VOPP1: variants seen among roughly 807,000 people sequenced by gnomAD.
The protein encoded by VOPP1 is WW domain binding protein VOPP1.
A neutral mutation model predicts 23.5 loss-of-function variants in VOPP1; 8 were observed. That is an observed-to-expected ratio of 0.34 (90% CI 0.20 to 0.61). VOPP1 has a LOEUF of 0.61. Ranked by LOEUF, VOPP1 falls within the 20% of genes least tolerant of loss-of-function variation. The pLI, the probability that VOPP1 is intolerant of heterozygous loss-of-function variation, is 0.78. For missense variants in VOPP1, 174 were observed against 238.1 expected (o/e 0.73, Z 1.77); for synonymous variants, 83 against 97.3 (o/e 0.85, Z 0.86).
intron 2 of VOPP1, among the ~76,000 whole-genome samples, chr7:55,497,963 C>G (rs1794093074): frequency 6.6e-6 from 1 of 152,230 alleles, no homozygotes; most frequent in Non-Finnish European, 1.5e-5. Context: ...CAATGGATTC[C>G]TTCCGGGAGG....
At chr7:55,460,999 T>C (rs1791486459) in intron 4 of VOPP1, among the ~76,000 whole-genome samples, 1 of 151,914 alleles carries the variant, frequency 6.6e-6, no homozygotes, top group Non-Finnish European at 1.5e-5. Context: ...TATATACATA[T>C]ATTATATATG....
intron 1 of VOPP1, among the ~76,000 whole-genome samples, chr7:55,534,736 C>G (rs992848989): frequency 1.3e-5 from 2 of 152,220 alleles, no homozygotes; most frequent in Non-Finnish European, 1.5e-5. Context: ...CCTGGGATCT[C>G]TGCCAGGTGC....
At chr7:55,562,019 G>A in intron 1 of VOPP1, 1 of 703,542 alleles carries the variant, frequency 1.4e-6, no homozygotes, top group Non-Finnish European at 2.6e-6. Flanking sequence ...GAAGACTTCT[G>A]ATCCTCATCT....
At chr7:55,437,251 C>T (rs1790855276) in intron 4 of VOPP1, among the ~76,000 whole-genome samples, 1 of 152,210 alleles carries the variant, frequency 6.6e-6, no homozygotes, top group Non-Finnish European at 1.5e-5. Context: ...GGAGTCCCCA[C>T]GGAGGCCGCC....
rs555863141 is a variant in VOPP1, at chr7:55,530,307, G to A, written c.55-9177C>T. Among the ~76,000 whole-genome samples the A allele has an allele frequency of 5.8e-4, 88 of 152,114 alleles. No homozygotes were observed. The South Asian group carries it at 5.8e-3, about 10-fold the overall frequency. On this transcript the variant is annotated intron_variant, in intron 1 of 4. Coordinates refer to ENST00000285279, the MANE Select transcript of VOPP1 (RefSeq NM_030796.5). ...TCTAGTACTGTACTGGTATCTCATC[G>A]TGATTTTAATTGGAATTTCCCTAAT...
downstream of VOPP1, among the ~76,000 whole-genome samples, chr7:55,470,284 G>A (rs1303841082): frequency 1.3e-5 from 2 of 152,178 alleles, no homozygotes; most frequent in Admixed American, 1.3e-4. Context: ...GCATCTGTGA[G>A]AGAAGTGTTA....
intron 4 of VOPP1, 87 bp from the exon 5 acceptor site, chr7:55,473,132 C>T (rs1016702713): frequency 9.2e-6 from 14 of 1,516,184 alleles, no homozygotes; most frequent in African/African-American, 7.2e-5. Flanking sequence ...CAGCAGACCA[C>T]GCCCCGTCAT....
intron 4 of VOPP1, among the ~76,000 whole-genome samples, chr7:55,450,711 C>G (rs761987052): frequency 6.6e-6 from 1 of 152,208 alleles, no homozygotes; most frequent in Non-Finnish European, 1.5e-5. Context: ...CTTTTCCCCA[C>G]GTAAGCTTTA....
At chr7:55,466,151 G>T (rs1295827265), downstream of VOPP1, among the ~76,000 whole-genome samples, 3 of 152,174 alleles carry the variant, frequency 2.0e-5, no homozygotes, top group Admixed American at 6.5e-5. Context: ...CGAACCTACT[G>T]CATTCCTGAC....
chr7:55,550,145 G>C (rs1797543328), intron 1 of VOPP1, among the ~76,000 whole-genome samples: 2 of 152,204 alleles, frequency 1.3e-5, no homozygotes, highest in Non-Finnish European at 2.9e-5. Flanking sequence ...TTCCTTCACT[G>C]CATCAGTCCA....
intron 1 of VOPP1, among the ~76,000 whole-genome samples, chr7:55,525,085 AC>A (rs1217622664): frequency 1.3e-5 from 2 of 152,074 alleles, no homozygotes; most frequent in African/African-American, 2.4e-5. Context: ...GCAAAGGGGA[AC>A]CCACAGGGAA....
intron 4 of VOPP1, among the ~76,000 whole-genome samples, chr7:55,488,979 C>T (rs1338072917): frequency 2.6e-5 from 4 of 152,248 alleles, no homozygotes; most frequent in African/African-American, 7.2e-5. Context: ...TCAGTCCCCA[C>T]GCCCCCAGGG....
At chr7:55,456,358 A>T (rs1463046863) in intron 4 of VOPP1, among the ~76,000 whole-genome samples, 1 of 152,224 alleles carries the variant, frequency 6.6e-6, no homozygotes, top group Non-Finnish European at 1.5e-5. Context: ...TGGAAGTGTA[A>T]ATTAGTTCAG....
At chr7:55,459,127 T>C (rs1012935272) in intron 4 of VOPP1, among the ~76,000 whole-genome samples, 2 of 152,156 alleles carry the variant, frequency 1.3e-5, no homozygotes. Flanking sequence ...TCTGCATCTA[T>C]TGAGATAATC....
intron 4 of VOPP1, among the ~76,000 whole-genome samples, chr7:55,448,921 T>C (rs551955804): frequency 1.8e-4 from 27 of 152,174 alleles, no homozygotes; most frequent in African/African-American, 6.0e-4. Flanking sequence ...TTAAATAAAC[T>C]GGAACAGTTT....
At position 55,492,202 on chromosome 7, in the gene VOPP1, T is replaced by C. The variant is rs1421588309; in HGVS notation, c.328+80A>G. The stretch of plus-strand genomic sequence containing the variant: ...TGAGCGCTCTCTTCTGGCAGTACCC[T>C]TTCTGCAGCAGTACCCTTTATAAAT... On this transcript the variant is annotated intron_variant, in intron 4 of 4. Transcript: ENST00000285279. The C allele has an allele frequency of 4.0e-6, 6 of 1,496,316 alleles. No homozygotes were observed. In the African/African-American group the frequency reaches 5.6e-5, roughly 14 times the overall value. The allele number at this position is 1,496,316 out of a possible 1,614,324, so 92.7% of individuals were successfully genotyped here. A position where few individuals can be genotyped will look rare whatever the true frequency, so the allele number is the denominator to read the frequency against.
At chr7:55,507,904 G>A (rs914133536) in intron 2 of VOPP1, among the ~76,000 whole-genome samples, 1 of 152,170 alleles carries the variant, frequency 6.6e-6, no homozygotes, top group Non-Finnish European at 1.5e-5. Context: ...GCCTGAGCCC[G>A]AGACGTTGAG....
intron 4 of VOPP1, among the ~76,000 whole-genome samples, chr7:55,451,005 A>G (rs191828071): frequency 2.0e-5 from 3 of 152,380 alleles, no homozygotes; most frequent in African/African-American, 2.4e-5. Context: ...ACAAGAACAT[A>G]CATCTTTTTT....
At chr7:55,475,356 C>T (rs73135688) in intron 4 of VOPP1, among the ~76,000 whole-genome samples, 414 of 152,210 alleles carry the variant, frequency 2.7e-3, no homozygotes, top group Middle Eastern at 0.017. Flanking sequence ...AGGGACTCGG[C>T]CACCACAGGT....
Sources: gnomAD v4.1 joint callset for allele counts (sites outside exome capture counted in the v4.1 genomes callset) on GRCh38, gnomAD v4.1.1 for gene constraint, MANE v1.5 for transcripts, NCBI Gene and HGNC (gene_info 2026-07-23, HGNC 2026-07-21) for gene names.